EYS: variants seen among roughly 807,000 people sequenced by gnomAD.
EYS encodes EGF-like photoreceptor maintenance factor.
A neutral mutation model predicts 282.1 loss-of-function variants in EYS; 250 were observed. The ratio of observed to expected loss-of-function variants is 0.89; its 90% confidence interval spans 0.80 to 0.98. The LOEUF (loss-of-function observed/expected upper bound fraction) is 0.98, where lower values mean the gene tolerates loss of function less well. Ranked by LOEUF, EYS falls within the 50% of genes least tolerant of loss-of-function variation. The probability of loss-of-function intolerance (pLI) is 0.00; values close to 1 mark genes in which losing one functional copy is unlikely to be tolerated. For synonymous variants in EYS, 1,355 were observed against 1,282.9 expected (o/e 1.06, Z -1.20); for missense variants, 4,016 against 3,709.0 (o/e 1.08, Z -2.15).
At chr6:65,005,982 T>C (rs1470264065) in intron 13 of EYS, among the ~76,000 whole-genome samples, 3 of 152,156 alleles carry the variant, frequency 2.0e-5, no homozygotes, top group Non-Finnish European at 1.5e-5. Flanking sequence ...TAGGTACTAA[T>C]GGTTCAGACT....
chr6:64,682,622 C>T (rs1030326692), intron 22 of EYS, among the ~76,000 whole-genome samples: 4 of 152,076 alleles, frequency 2.6e-5, no homozygotes, highest in Admixed American at 2.6e-4. Flanking sequence ...CACTGTGCGC[C>T]CTCACCTTCC....
intron 22 of EYS, among the ~76,000 whole-genome samples, chr6:64,680,975 C>G (rs1050853979): frequency 6.6e-6 from 1 of 152,062 alleles, no homozygotes; most frequent in Non-Finnish European, 1.5e-5. Flanking sequence ...TAAGAGGAGG[C>G]TGGTATATAT....
chr6:64,103,591 G>T lies in EYS; in HGVS notation c.6425-21589C>A, dbSNP rs139876432. On this transcript the variant is annotated intron_variant, in intron 31 of 42. Coordinates refer to ENST00000503581, the MANE Select transcript of EYS (RefSeq NM_001142800.2). ...CTATGCGAGATTAATAGGAAATAGAGCTAGAAAGAGAGGTAGGAGGAGGAT... is the reference window on the plus strand; with the variant it reads ...CTATGCGAGATTAATAGGAAATAGATCTAGAAAGAGAGGTAGGAGGAGGAT... 3.2e-3 allele frequency among the ~76,000 whole-genome samples: 494 copies of T among 152,208 alleles called. 1 individual carries two copies. The highest frequency in any genetic ancestry group is 0.011 in the African/African-American group (468 of 41,542).
At chr6:64,276,258 A>G (rs1440640090) in intron 30 of EYS, among the ~76,000 whole-genome samples, 1 of 152,158 alleles carries the variant, frequency 6.6e-6, no homozygotes, top group Non-Finnish European at 1.5e-5. Flanking sequence ...ATAATTTTGT[A>G]CCCTTGAAAG....
intron 12 of EYS, among the ~76,000 whole-genome samples, chr6:65,226,808 A>G (rs1766637819): frequency 6.6e-6 from 1 of 152,352 alleles, no homozygotes; most frequent in Admixed American, 6.5e-5. Context: ...TGTTCAAATC[A>G]ATACTTTTAT....
intron 21 of EYS, among the ~76,000 whole-genome samples, chr6:64,814,708 T>C (rs1764696748): frequency 6.6e-6 from 1 of 152,006 alleles, no homozygotes; most frequent in Non-Finnish European, 1.5e-5. Context: ...TATGGAAAGT[T>C]ATGACATCAT....
chr6:63,721,192 A>G lies in EYS; in HGVS notation c.8839T>C (p.Tyr2947His). The G allele has an allele frequency of 6.4e-7, 1 of 1,551,668 alleles. No individual in the cohort carries two copies. Among genetic ancestry groups the G allele is most frequent in the South Asian group, 1.2e-5 (1 of 84,060 alleles). Residue 2947 changes from tyrosine (Y) to histidine (H), a missense_variant, in exon 43 of 43, where the codon TAT (tyrosine) becomes CAT (histidine). Transcript: ENST00000503581. Reference sequence around the variant, plus strand: ...GAAAATGAAGTTTTGTTTTCACAATACCTTCCCACCCAACCCAAAGTACAC... The same window carrying G: ...GAAAATGAAGTTTTGTTTTCACAATGCCTTCCCACCCAACCCAAAGTACAC... ...CLCTLGWVGR[Y>H]CENKTSFSTA...
intron 29 of EYS, among the ~76,000 whole-genome samples, chr6:64,348,585 T>A (rs621537): frequency 2.0e-5 from 3 of 151,194 alleles, no homozygotes; most frequent in Non-Finnish European, 4.4e-5. Flanking sequence ...CAACTCTAAC[T>A]GAGCAATTAT....
intron 33 of EYS, among the ~76,000 whole-genome samples, chr6:64,025,195 C>G (rs1208716861): frequency 1.4e-5 from 1 of 73,838 alleles, no homozygotes; most frequent in Non-Finnish European, 3.4e-5. Flanking sequence ...GCCAGGCTTT[C>G]TGGGAAAGGG....
intron 26 of EYS, among the ~76,000 whole-genome samples, chr6:64,496,452 T>A (rs1055223552): frequency 3.3e-5 from 5 of 152,020 alleles, no homozygotes; most frequent in African/African-American, 1.2e-4. Flanking sequence ...GACTTAATTT[T>A]CTTTGCTTCA....
chr6:65,442,252 T>G (rs922370402), intron 5 of EYS, among the ~76,000 whole-genome samples: 1 of 152,064 alleles, frequency 6.6e-6, no homozygotes, highest in African/African-American at 2.4e-5. Flanking sequence ...TCTAAATATC[T>G]ATATCTTATA....
At chr6:64,832,748 T>G (rs9453082) in intron 19 of EYS, among the ~76,000 whole-genome samples, 1 of 151,816 alleles carries the variant, frequency 6.6e-6, no homozygotes, top group African/African-American at 2.4e-5. Flanking sequence ...ACATATTAAA[T>G]GTATGTAGTG....
chr6:65,404,345 T>C (rs1033531074), intron 6 of EYS, among the ~76,000 whole-genome samples: 3 of 152,110 alleles, frequency 2.0e-5, no homozygotes, highest in Admixed American at 6.6e-5. Context: ...TTCCTCTTGC[T>C]GGGTAACATA....
intron 2 of EYS, among the ~76,000 whole-genome samples, chr6:65,559,444 T>C (rs2127343545): frequency 6.6e-6 from 1 of 152,260 alleles, no homozygotes; most frequent in South Asian, 2.1e-4. Context: ...CAATAGATTT[T>C]GCATGTAACT....
chr6:64,667,983 G>C (rs146225878), intron 22 of EYS, among the ~76,000 whole-genome samples: 1 of 152,214 alleles, frequency 6.6e-6, no homozygotes, highest in East Asian at 1.9e-4. Flanking sequence ...ACCCATCCCA[G>C]AGTTTTTCAT....
chr6:64,094,998 C>A (rs553910769), intron 31 of EYS, among the ~76,000 whole-genome samples: 2 of 152,278 alleles, frequency 1.3e-5, no homozygotes, highest in East Asian at 3.9e-4. Flanking sequence ...TTTCTGCCTT[C>A]ATTTCATTAT....
Position 64,840,909 on chromosome 6 carries a change from C to A in EYS, c.2993-18087G>T, listed in dbSNP as rs369730079. Among the ~76,000 whole-genome samples, 110 of 152,112 alleles carry A rather than the reference C, an allele frequency of 7.2e-4. 4 individuals are homozygous for A. The South Asian group carries it at 0.023, about 32-fold the overall frequency. Reference sequence around the variant, plus strand: ...TTAGTCAGACTAGCCATTTCAAATGCTAAATAGACAAAGAACTACACAGCA... The same window carrying A: ...TTAGTCAGACTAGCCATTTCAAATGATAAATAGACAAAGAACTACACAGCA... On this transcript the variant is annotated intron_variant, in intron 19 of 42. Coordinates refer to ENST00000503581, the MANE Select transcript of EYS (RefSeq NM_001142800.2).
At chr6:65,414,976 A>C (rs992578415) in intron 5 of EYS, among the ~76,000 whole-genome samples, 1 of 152,136 alleles carries the variant, frequency 6.6e-6, no homozygotes, top group Non-Finnish European at 1.5e-5. Context: ...AAAGTTATTA[A>C]GAAAGAACAA....
chr6:64,081,942 T>G lies in EYS; in HGVS notation c.6485A>C (p.Lys2162Thr), dbSNP rs1039415909. 8.4e-6 allele frequency: 13 copies of G among 1,545,792 alleles called. No individual in the cohort carries two copies. Among genetic ancestry groups the G allele is most frequent in the Non-Finnish European group, 1.1e-5 (13 of 1,142,370 alleles). ...GNSYLELPFL[K>T]FVLEKEHNRT... is the part of the protein sequence containing the mutation. ...GTTATGTTCCTTCTCCAGGACAAAC[T>G]TCAAAAAGGGCAGTTCTAAATAGGA... Residue 2162 changes from lysine to threonine, a missense_variant, in exon 32 of 43, where the codon AAG (lysine) becomes ACG (threonine). By Grantham distance (78) the Lys-to-Thr change is moderately conservative (BLOSUM62 -1). Transcript: ENST00000503581.
Sources: allele counts gnomAD v4.1 joint callset (sites outside exome capture counted in the v4.1 genomes callset), GRCh38; gene constraint gnomAD v4.1.1; transcripts MANE v1.5; gene names NCBI Gene and HGNC (gene_info 2026-07-23, HGNC 2026-07-21).